Variants in CEPT1 observed in about 807,000 individuals in gnomAD.
The protein encoded by CEPT1 is choline/ethanolamine phosphotransferase 1.
In CEPT1, 7 loss-of-function variants were observed where a neutral mutation model predicts 42.6. The ratio of observed to expected loss-of-function variants is 0.16; its 90% CI spans 0.09 to 0.31. The LOEUF is 0.31. Ranked by LOEUF, CEPT1 falls within the 10% of genes least tolerant of loss-of-function variation. CEPT1 has a pLI of 1.00. For synonymous variants in CEPT1, 171 were observed against 171.9 expected, an observed-to-expected ratio of 0.99 and a Z score of 0.04; for missense variants, 306 against 502.1, an observed-to-expected ratio of 0.61 and a Z score of 3.73.
In CEPT1 at chr1:111,143,830, C is replaced by T. The variant is rs1054056441; in HGVS notation, c.-74+3523C>T. 8.5e-5 allele frequency among the ~76,000 whole-genome samples: 13 copies of T among 152,126 alleles called. No individual in the cohort carries two copies. The South Asian group carries it at 1.5e-3, about 17-fold the overall frequency. On this transcript the variant is annotated intron_variant, in intron 1 of 8. Transcript: ENST00000357172. ...ATGGCTCACTGCAGCCTCAACCTCCCGGGCTCAAGCAATCCTCCCAACTCA... is the reference window on the plus strand; with the variant it reads ...ATGGCTCACTGCAGCCTCAACCTCCTGGGCTCAAGCAATCCTCCCAACTCA...
Position 111,152,784 on chromosome 1 carries a change from G to A in CEPT1, c.339+4731G>A, listed in dbSNP as rs1315661702. ...AAAAACTTTTTGTATGTTTGAAATA[G>A]TAATAAAACTCATATTGTACCTGCC... On this transcript the variant is annotated intron_variant, in intron 2 of 8. Transcript: ENST00000357172. Among the ~76,000 whole-genome samples the A allele has an allele frequency of 2.0e-5, 3 of 152,038 alleles. No homozygotes were observed. In the South Asian group the frequency reaches 6.2e-4, roughly 31 times the overall value.
intron 3 of CEPT1, chr1:111,160,195 T>G (rs1294537917): frequency 6.6e-6 from 1 of 152,242 alleles, no homozygotes; most frequent in African/African-American, 2.4e-5. Flanking sequence ...GTGATATCTC[T>G]TTATTTGCAC....
At chr1:111,171,373 A>AT (rs1282493280) in intron 4 of CEPT1, among the ~76,000 whole-genome samples, 12 of 152,210 alleles carry the variant, frequency 7.9e-5, no homozygotes, top group African/African-American at 2.4e-4. Context: ...CACTCCAACT[A>AT]AAGAGATGCT....
At chr1:111,148,970 T>G (rs949463358) in intron 2 of CEPT1, among the ~76,000 whole-genome samples, 2 of 152,224 alleles carry the variant, frequency 1.3e-5, no homozygotes, top group African/African-American at 4.8e-5. Context: ...CAACATTCCT[T>G]ACCTTGTTTT....
chr1:111,152,162 C>G lies in CEPT1; in HGVS notation c.339+4109C>G, dbSNP rs970391604. 3.4e-5 allele frequency among the ~76,000 whole-genome samples: 5 copies of G among 147,534 alleles called. No homozygotes were observed. In the East Asian group the frequency reaches 7.9e-4, roughly 23 times the overall value. ...AAATATCATGAGTTGTTTAAACACT[C>G]ATTTGTTTTTGTTTTTATATTGCTA... On this transcript the variant is annotated intron_variant, in intron 2 of 8. Coordinates refer to ENST00000357172, the MANE Select transcript of CEPT1 (RefSeq NM_006090.5).
chr1:111,178,398 AT>A (rs2101393009), intron 5 of CEPT1: 1 of 151,162 alleles, frequency 6.6e-6, no homozygotes, highest in Non-Finnish European at 1.5e-5. Flanking sequence ...TCTTTCCCAA[AT>A]TTTTTCCCCA....
intron 2 of CEPT1, among the ~76,000 whole-genome samples, chr1:111,155,108 C>T (rs140240758): frequency 2.6e-5 from 4 of 152,228 alleles, no homozygotes; most frequent in Non-Finnish European, 5.9e-5. Flanking sequence ...GCATTTGGTC[C>T]TGGGTTTTTC....
intron 3 of CEPT1, chr1:111,159,772 C>T: frequency 3.1e-6 from 1 of 318,616 alleles, no homozygotes; most frequent in East Asian, 8.2e-5. Context: ...TTTTTAAAAG[C>T]TTGGGGCATA....
rs1258021413 is a variant in CEPT1 at position 111,159,279 on chromosome 1, A to G, written c.340-101A>G. 7.3e-6 allele frequency: 8 copies of G among 1,097,100 alleles called. No individual in the cohort carries two copies. In the African/African-American group the frequency reaches 8.0e-5, roughly 11 times the overall value. The allele number at this position is 1,097,100 out of a possible 1,614,324, so 68.0% of individuals were successfully genotyped here. A position where few individuals can be genotyped will look rare whatever the true frequency, so the allele number is the denominator to read the frequency against. ...ATGTAGCACTTGGATCTTCTCTCCC[A>G]TAGCTTCCAACTAGCTTTCCAACCT... On this transcript the variant is annotated intron_variant, in intron 2 of 8. Coordinates refer to ENST00000357172, the MANE Select transcript of CEPT1 (RefSeq NM_006090.5).
At chr1:111,150,450 T>A (rs551106694) in intron 2 of CEPT1, among the ~76,000 whole-genome samples, 1 of 152,208 alleles carries the variant, frequency 6.6e-6, no homozygotes, top group Non-Finnish European at 1.5e-5. Context: ...CAAATTCATC[T>A]AAGTCCTTAT....
upstream of CEPT1, chr1:111,140,154 G>A (rs1481736514): frequency 1.3e-5 from 2 of 152,274 alleles, no homozygotes; most frequent in African/African-American, 4.8e-5. Flanking sequence ...GCGCGCTCAC[G>A]GCACCGAGGA....
chr1:111,146,818 G>A (rs1654992531), intron 1 of CEPT1, among the ~76,000 whole-genome samples: 1 of 151,478 alleles, frequency 6.6e-6, no homozygotes. Flanking sequence ...TACTTCCTCA[G>A]TTCATCAGGA....
In CEPT1 at chr1:111,185,072, TCTTTAATAA is replaced by T; in HGVS notation, c.*763_*771del. ...AAATTTAAGCAAAATTTATTTCTGTTCTTTAATAAATAAGAAAATGTGGTCCACTGCATT... is the reference window on the plus strand; with the variant it reads ...AAATTTAAGCAAAATTTATTTCTGTTATAAGAAAATGTGGTCCACTGCATT... On this transcript the variant is annotated 3_prime_UTR_variant, in exon 9 of 9. Transcript: ENST00000357172. The T allele has an allele frequency of 6.5e-6, 1 of 152,700 alleles. No homozygotes were observed. Among genetic ancestry groups the T allele is most frequent in the Middle Eastern group, 3.4e-3 (1 of 294 alleles). The allele number at this position is 152,700 out of a possible 1,614,324, so 9.5% of individuals were successfully genotyped here. A position where few individuals can be genotyped will look rare whatever the true frequency, so the allele number is the denominator to read the frequency against.
chr1:111,184,149 G>A (rs373240343), intron 8 of CEPT1, 42 bp from the exon 9 acceptor site: 1 of 1,606,502 alleles, frequency 6.2e-7, no homozygotes, highest in Non-Finnish European at 8.5e-7. Context: ...GAAGCTTAGG[G>A]AGAGCCTAAA....
chr1:111,172,018 G>A (rs966291895), intron 4 of CEPT1, among the ~76,000 whole-genome samples: 6 of 152,204 alleles, frequency 3.9e-5, no homozygotes, highest in East Asian at 1.9e-4. Context: ...GATTACAGGC[G>A]TGAGCCACCA....
intron 2 of CEPT1, among the ~76,000 whole-genome samples, chr1:111,152,111 G>A (rs576716974): frequency 5.9e-5 from 9 of 152,196 alleles, no homozygotes; most frequent in South Asian, 2.1e-4. Context: ...AGAAAGAGTC[G>A]TGTCAGATTT....
At chr1:111,178,737 A>G (rs1311252273) in intron 5 of CEPT1, 1 of 152,188 alleles carries the variant, frequency 6.6e-6, no homozygotes, top group Non-Finnish European at 1.5e-5. Flanking sequence ...AAATTGTATT[A>G]AGCCATAAGG....
At chr1:111,151,132 T>G (rs550348123) in intron 2 of CEPT1, among the ~76,000 whole-genome samples, 42 of 150,844 alleles carry the variant, frequency 2.8e-4, no homozygotes, top group South Asian at 8.4e-4. Context: ...TTGTTTGTTT[T>G]TTTTTTTTTT....
chr1:111,169,214 T>G (rs1401132307), intron 4 of CEPT1, among the ~76,000 whole-genome samples: 2 of 152,208 alleles, frequency 1.3e-5, no homozygotes, highest in Non-Finnish European at 2.9e-5. Context: ...CTAAGAAGTG[T>G]ATCGTTAGCC....
Sources: gnomAD v4.1 joint callset for allele counts (sites outside exome capture counted in the v4.1 genomes callset) on GRCh38, gnomAD v4.1.1 for gene constraint, MANE v1.5 for transcripts, NCBI Gene and HGNC (gene_info 2026-07-23, HGNC 2026-07-21) for gene names.